The following SMC1A variants were observed in gnomAD, a reference collection of about 807,000 sequenced individuals.
The protein encoded by SMC1A is structural maintenance of chromosomes protein 1A.
SMC1A carries 4 observed loss-of-function variants against 94.5 expected under a neutral mutation model. The observed-to-expected ratio is 0.04, with a 90% CI of 0.02 to 0.10. SMC1A has a LOEUF of 0.10. Among genes scored for constraint, SMC1A ranks in the 10% least tolerant of loss-of-function variants. The pLI, the probability that SMC1A is intolerant of heterozygous loss-of-function variation, is 1.00. For synonymous variants in SMC1A, 345 were observed against 347.7 expected (o/e 0.99, Z 0.09); for missense variants, 304 against 989.0 (o/e 0.31, Z 9.29).
At position 53,413,423 on chromosome X, in the gene SMC1A, A is replaced by T; in HGVS notation, c.424T>A (p.Ser142Thr). 1 of 1,209,308 alleles carries T rather than the reference A, an allele frequency of 8.3e-7. No homozygotes were observed. The highest frequency in any genetic ancestry group is 1.1e-6 in the Non-Finnish European group (1 of 894,024). ...NFLVFQGAVE[S>T]IAMKNPKERT... ...TCTTTGGGGTTCTTCATGGCAATAG[A>T]TTCCACAGCACCCTAGTAAAGGTCG... The change falls in exon 4 of 25, where the codon TCT becomes ACT. Residue 142 changes from serine to threonine, a missense_variant. Physicochemically the swap from Ser to Thr is moderately conservative, Grantham distance 58. Around this residue, in one of 11 missense-constraint regions of SMC1A, gnomAD observed 120 missense variants for 314.9 expected, o/e 0.38. Coordinates refer to ENST00000322213, the MANE Select transcript of SMC1A (RefSeq NM_006306.4).
chrX:53,403,699 C>T (rs370005037), intron 14 of SMC1A, 27 bp from the exon 15 acceptor site: 64 of 1,185,838 alleles, frequency 5.4e-5, no homozygotes, highest in Non-Finnish European at 6.9e-5. Context: ...GGGAGGGCAT[C>T]GGCCCTTTTA....
chrX:53,411,111 T>C (rs1347913352), intron 7 of SMC1A, among the ~76,000 whole-genome samples: 1 of 108,641 alleles, frequency 9.2e-6, no homozygotes. Context: ...AACAATAATC[T>C]TGTGACCTTA....
At chrX:53,392,252 C>T (rs1287745544) in intron 19 of SMC1A, among the ~76,000 whole-genome samples, 4 of 108,392 alleles carry the variant, frequency 3.7e-5, no homozygotes, top group Admixed American at 9.9e-5. Flanking sequence ...TTTAGCCGGG[C>T]GTGGTGGCAG....
chrX:53,405,924 T>A lies in SMC1A; in HGVS notation c.1578A>T (p.Thr526=). The A allele has an allele frequency of 8.3e-7, 1 of 1,211,739 alleles. No individual in the cohort carries two copies. The highest frequency in any genetic ancestry group is 1.1e-6 in the Non-Finnish European group (1 of 895,479). Reference sequence around the variant, plus strand: ...TTACAGCAATCTGATACTTCTTTTGTGTGGGCTGGCATAGGTCAATGAGGC... The same window carrying A: ...TTACAGCAATCTGATACTTCTTTTGAGTGGGCTGGCATAGGTCAATGAGGC... ...YGRLIDLCQP[T]QKKYQIAVTK... is the part of the protein sequence containing the mutation. Residue 526 remains threonine (T), a synonymous_variant, in exon 10 of 25, where the codon ACA becomes ACT. Coordinates refer to ENST00000322213, the MANE Select transcript of SMC1A (RefSeq NM_006306.4).
chrX:53,402,909 T>C (rs1177259109), intron 15 of SMC1A, among the ~76,000 whole-genome samples: 1 of 77,978 alleles, frequency 1.3e-5, no homozygotes. Flanking sequence ...GGCTCACACC[T>C]ATAATCCTAG....
chrX:53,394,227 A>G (rs1235102402), intron 19 of SMC1A, among the ~76,000 whole-genome samples: 1 of 108,316 alleles, frequency 9.2e-6, no homozygotes, highest in Non-Finnish European at 1.9e-5. Context: ...TTAATTGATT[A>G]TGTAAAGTGA....
Position 53,375,603 on chromosome X carries a change from T to C in SMC1A, c.*4500A>G, listed in dbSNP as rs2075556916. 1 of 107,101 alleles carries C rather than the reference T, an allele frequency of 9.3e-6. No homozygotes were observed. Among genetic ancestry groups the C allele is most frequent in the Non-Finnish European group, 1.9e-5 (1 of 51,993 alleles). The allele number at this position is 107,101 out of a possible 1,213,427, so 8.8% of individuals were successfully genotyped here. ...CTTAGCCAAGATTTATTGAACTGGA[T>C]GAATGAATCAATGGCTTGTGGAGGG... On this transcript the variant is annotated 3_prime_UTR_variant, in exon 25 of 25. Coordinates refer to ENST00000322213, the MANE Select transcript of SMC1A (RefSeq NM_006306.4).
intron 20 of SMC1A, 124 bp downstream of exon 20, chrX:53,382,973 G>T (rs782223176): frequency 1.4e-6 from 1 of 724,419 alleles, no homozygotes; most frequent in Non-Finnish European, 2.1e-6. Context: ...ACTGTTTAGG[G>T]CTCCTGAGAG....
intron 1 of SMC1A, among the ~76,000 whole-genome samples, chrX:53,419,494 G>A (rs1321486798): frequency 1.9e-5 from 2 of 107,263 alleles, no homozygotes; most frequent in Non-Finnish European, 3.9e-5. Context: ...GCCACTGTAT[G>A]CCAGCCTTGG....
At position 53,414,585 on chromosome X, in the gene SMC1A, T is replaced by C. The variant is rs918660200; in HGVS notation, c.411+173A>G. ...GGAGGGGAAACAAAACAAATGTGTGTCCTCATAAGATGAACCTGGCTCAGG... is the reference window on the plus strand; with the variant it reads ...GGAGGGGAAACAAAACAAATGTGTGCCCTCATAAGATGAACCTGGCTCAGG... On this transcript the variant is annotated intron_variant, in intron 3 of 24. Coordinates refer to ENST00000322213, the MANE Select transcript of SMC1A (RefSeq NM_006306.4). 3.6e-5 allele frequency among the ~76,000 whole-genome samples: 4 copies of C among 111,886 alleles called. No homozygotes were observed. In the East Asian group the frequency reaches 1.1e-3, roughly 31 times the overall value.
rs1057515968 is a variant in SMC1A at position 53,379,278 on chromosome X, ACTGT to A, written c.*821_*824del. ...ATAAAAAGTGGGACCAGAACCCATA[ACTGT>A]CTGTCCCCAGAGCTCATGCTCCACT... On this transcript the variant is annotated 3_prime_UTR_variant, in exon 25 of 25. Transcript: ENST00000322213. 3 of 111,765 alleles carry A rather than the reference ACTGT, an allele frequency of 2.7e-5. No individual in the cohort carries two copies. The highest frequency in any genetic ancestry group is 5.6e-5 in the Non-Finnish European group (3 of 53,123). The allele number at this position is 111,765 out of a possible 1,213,427, so 9.2% of individuals were successfully genotyped here.
intron 24 of SMC1A, 129 bp from the exon 25 acceptor site, chrX:53,380,315 C>G: frequency 3.8e-6 from 2 of 527,081 alleles, no homozygotes. Flanking sequence ...CAATGGTTCT[C>G]TCTGGGTGTG....
At chrX:53,391,004 G>GAA (rs1175710151) in intron 19 of SMC1A, among the ~76,000 whole-genome samples, 56 of 53,842 alleles carry the variant, frequency 1.0e-3, no homozygotes, top group African/African-American at 1.6e-3. Flanking sequence ...AAAAGAAAAA[G>GAA]AAAAAAAAAA....
At chrX:53,392,389 CA>C (rs1347995937) in intron 19 of SMC1A, among the ~76,000 whole-genome samples, 29 of 86,832 alleles carry the variant, frequency 3.3e-4, no homozygotes, top group Middle Eastern at 5.5e-3. Context: ...GAGACTGTCT[CA>C]AAAAAAAAAA....
intron 16 of SMC1A, among the ~76,000 whole-genome samples, chrX:53,397,972 G>A (rs2075657723): frequency 9.1e-6 from 1 of 109,291 alleles, no homozygotes; most frequent in African/African-American, 3.3e-5. Flanking sequence ...GATCACTTGA[G>A]GCCAGGAGTT....
chrX:53,397,221 T>C (rs2075654609), intron 16 of SMC1A, among the ~76,000 whole-genome samples: 1 of 111,627 alleles, frequency 9.0e-6, no homozygotes, highest in Non-Finnish European at 1.9e-5. Context: ...CAAAGGGGAT[T>C]ATAGCCTTAT....
chrX:53,403,196 A>C (rs2075678359), intron 15 of SMC1A, among the ~76,000 whole-genome samples: 1 of 83,164 alleles, frequency 1.2e-5, no homozygotes, highest in Admixed American at 1.4e-4. Flanking sequence ...AAAAAAAAAA[A>C]GGTAAAACAG....
chrX:53,408,753 G>A (rs1312872120), intron 9 of SMC1A, among the ~76,000 whole-genome samples: 5 of 108,037 alleles, frequency 4.6e-5, no homozygotes, highest in African/African-American at 1.0e-4. Flanking sequence ...CCTCCCAGAG[G>A]CATAGACATA....
chrX:53,400,090 T>C (rs1192333999), intron 15 of SMC1A, among the ~76,000 whole-genome samples: 1 of 112,169 alleles, frequency 8.9e-6, no homozygotes, highest in Admixed American at 9.5e-5. Context: ...ATTAGGCTTC[T>C]ATGTACTTTA....
Sources: allele counts gnomAD v4.1 joint callset (sites outside exome capture counted in the v4.1 genomes callset), GRCh38; gene constraint gnomAD v4.1.1; regional missense constraint gnomAD v4.1.1; transcripts MANE v1.5; gene names NCBI Gene and HGNC (gene_info 2026-07-23, HGNC 2026-07-21).